The following NEBL variants were observed in gnomAD, a reference collection of about 807,000 sequenced individuals.
NEBL encodes LIM and SH3 protein 2.
A neutral mutation model predicts 140.2 loss-of-function variants in NEBL; 122 were observed. That is an observed-to-expected ratio of 0.87 (90% CI 0.75 to 1.01). The LOEUF is 1.01. Ranked by LOEUF, NEBL falls within the 50% of genes least tolerant of loss-of-function variation. NEBL has a pLI of 0.00. For missense variants in NEBL, 1,365 were observed against 1,231.3 expected (o/e 1.11, Z -1.62); for synonymous variants, 436 against 398.9 (o/e 1.09, Z -1.11).
At chr10:21,235,360 A>G (rs1842334179) in intron 3 of NEBL, among the ~76,000 whole-genome samples, 1 of 151,984 alleles carries the variant, frequency 6.6e-6, no homozygotes, top group Admixed American at 6.5e-5. Context: ...TTATTTAAAG[A>G]CAGAATCTTG....
intron 4 of NEBL, among the ~76,000 whole-genome samples, chr10:20,884,489 G>A (rs1032836738): frequency 1.1e-4 from 17 of 152,216 alleles, no homozygotes; most frequent in Admixed American, 6.5e-5. Flanking sequence ...AGGAGGTCAA[G>A]TATGCAAATT....
At chr10:21,147,560 G>A (rs1355154932) in intron 2 of NEBL, among the ~76,000 whole-genome samples, 1 of 152,118 alleles carries the variant, frequency 6.6e-6, no homozygotes, top group Non-Finnish European at 1.5e-5. Context: ...AGACTTCAAT[G>A]AAGAGTAGTG....
At chr10:20,849,252 G>GA (rs758766745) in intron 11 of NEBL, among the ~76,000 whole-genome samples, 25 of 150,204 alleles carry the variant, frequency 1.7e-4, no homozygotes, top group Admixed American at 4.0e-4. Context: ...CTGGAACAGA[G>GA]AAAAAAAAAG....
chr10:20,950,346 A>G (rs937977395), intron 4 of NEBL, among the ~76,000 whole-genome samples: 3 of 152,256 alleles, frequency 2.0e-5, no homozygotes, highest in Non-Finnish European at 4.4e-5. Flanking sequence ...ATTTGAAACT[A>G]CGATAACTAC....
chr10:20,848,220 G>A (rs997228686), intron 11 of NEBL, among the ~76,000 whole-genome samples: 7 of 152,102 alleles, frequency 4.6e-5, no homozygotes, highest in African/African-American at 1.7e-4. Flanking sequence ...GCAATGAAAA[G>A]AATGTATAAA....
chr10:21,010,505 C>T (rs148836188), intron 3 of NEBL, among the ~76,000 whole-genome samples: 108 of 151,672 alleles, frequency 7.1e-4, no homozygotes, highest in Middle Eastern at 3.4e-3. Flanking sequence ...CCTCCCACCT[C>T]GAACTCCCAA....
At chr10:20,790,934 A>C (rs1381776743) in intron 26 of NEBL, among the ~76,000 whole-genome samples, 1 of 152,228 alleles carries the variant, frequency 6.6e-6, no homozygotes, top group Non-Finnish European at 1.5e-5. Flanking sequence ...AGGGCTTTTC[A>C]ATCAAAGAGT....
intron 12 of NEBL, among the ~76,000 whole-genome samples, chr10:20,841,837 C>T (rs888707341): frequency 1.3e-5 from 2 of 152,066 alleles, no homozygotes; most frequent in African/African-American, 4.8e-5. Context: ...AGGCTGTCTC[C>T]ATGCAATTTA....
rs1842654577 is a variant in NEBL at position 20,852,549 on chromosome 10, C to G, written c.1004G>C (p.Ser335Thr). ...LHHKGNAVLQ[S>T]QVKYKEEYEK... ...ACCGTACGGGCAAGTGTGTACCTGA[C>G]TTTGGAGGACGGCATTGCCTTTATG... is the stretch of plus-strand genomic sequence containing the variant. The change falls in exon 10 of 28, where the codon AGT (serine) becomes ACT (threonine). Residue 335 changes from serine to threonine, a missense_variant. By Grantham distance (58) the Ser-to-Thr change is moderately conservative. This residue lies in a region of NEBL where 1,323 missense variants were observed against 1,154.8 expected (regional missense o/e 1.15). Transcript: ENST00000377122. 1 of 1,611,954 alleles carries G rather than the reference C, an allele frequency of 6.2e-7. No homozygotes were observed. The highest frequency in any genetic ancestry group is 1.3e-5 in the African/African-American group (1 of 74,870).
At chr10:21,172,536 G>T in intron 1 of NEBL, 3 of 1,329,056 alleles carry the variant, frequency 2.3e-6, no homozygotes, top group African/African-American at 1.4e-5. Flanking sequence ...CACCAGGATG[G>T]GCACAGAAGG....
At position 20,803,057 on chromosome 10, in the gene NEBL, C is replaced by T. The variant is rs184036011; in HGVS notation, c.2761+5453G>A. Among the ~76,000 whole-genome samples the T allele has an allele frequency of 1.2e-3, 183 of 152,192 alleles. No individual in the cohort carries two copies. In the Middle Eastern group the frequency reaches 0.02, roughly 17 times the overall value. On this transcript the variant is annotated intron_variant, in intron 26 of 27. Coordinates refer to ENST00000377122, the MANE Select transcript of NEBL (RefSeq NM_006393.3). ...TCCTCCAGTTCAGGGTTCCGGCCAC[C>T]GCAGGACACCACTGCCACACACCCC...
chr10:21,214,834 AT>A (rs1343189993), intron 3 of NEBL, among the ~76,000 whole-genome samples: 1 of 152,224 alleles, frequency 6.6e-6, no homozygotes, highest in African/African-American at 2.4e-5. Context: ...CACTCCTAAT[AT>A]TAGTGTCTTT....
chr10:21,012,198 G>A (rs1279748813), intron 3 of NEBL, among the ~76,000 whole-genome samples: 1 of 151,956 alleles, frequency 6.6e-6, no homozygotes, highest in African/African-American at 2.4e-5. Flanking sequence ...AGTAGGGTAG[G>A]TGCCCCCCTT....
intron 2 of NEBL, among the ~76,000 whole-genome samples, chr10:21,083,493 A>G (rs1836480772): frequency 6.6e-6 from 1 of 152,188 alleles, no homozygotes; most frequent in Non-Finnish European, 1.5e-5. Context: ...TTGAAGAAGG[A>G]AACTCTCTCT....
At chr10:20,868,839 A>G in intron 6 of NEBL, 74 bp from the exon 7 acceptor site, 3 of 970,140 alleles carry the variant, frequency 3.1e-6, no homozygotes, top group Non-Finnish European at 4.9e-6. Flanking sequence ...TTAGCCAAAA[A>G]AAAAAAAAAT....
chr10:21,201,806 A>G (rs1841741119), intron 3 of NEBL, among the ~76,000 whole-genome samples: 1 of 151,920 alleles, frequency 6.6e-6, no homozygotes, highest in Non-Finnish European at 1.5e-5. Context: ...TTATTTTTTT[A>G]TTATGGATGG....
At position 20,831,213 on chromosome 10, in the gene NEBL, A is replaced by G; in HGVS notation, c.1654T>C (p.Ser552Pro). The G allele has an allele frequency of 6.2e-7, 1 of 1,612,560 alleles. No individual in the cohort carries two copies. The highest frequency in any genetic ancestry group is 8.5e-7 in the Non-Finnish European group (1 of 1,178,826). The change falls in exon 16 of 28, where the codon TCT becomes CCT. Residue 552 changes from serine (S) to proline (P), a missense_variant. Transcript: ENST00000377122. ...TGACCAACCTGGCTATAGATTTCAG[A>G]TGTCCTCTTGGCTCGAAGGATATCT... The part of the protein sequence containing the change: ...IPDILRAKRT[S>P]EIYSQRKYKD...
At chr10:21,199,138 C>G (rs190829505) in intron 3 of NEBL, among the ~76,000 whole-genome samples, 6 of 151,852 alleles carry the variant, frequency 4.0e-5, no homozygotes, top group South Asian at 2.1e-4. Flanking sequence ...AATCCTCCCA[C>G]CTCAGACTTC....
At chr10:20,805,581 A>T (rs772962081) in intron 26 of NEBL, among the ~76,000 whole-genome samples, 2 of 152,192 alleles carry the variant, frequency 1.3e-5, no homozygotes, top group Non-Finnish European at 2.9e-5. Context: ...GGCCAGGCAC[A>T]GTGGCTCATG....
Sources: gnomAD v4.1 joint callset for allele counts (sites outside exome capture counted in the v4.1 genomes callset) on GRCh38, gnomAD v4.1.1 for gene constraint, gnomAD v4.1.1 regional missense constraint, MANE v1.5 for transcripts, NCBI Gene and HGNC (gene_info 2026-07-23, HGNC 2026-07-21) for gene names.